Variants in CNIH1 observed in about 807,000 individuals in gnomAD.
The protein encoded by CNIH1 is protein cornichon homolog 1.
In CNIH1, 12 loss-of-function variants were observed where a neutral mutation model predicts 20.2. That is an observed-to-expected ratio of 0.59 (90% CI 0.38 to 0.96). The LOEUF is 0.96. Among genes scored for constraint, CNIH1 ranks in the 40% least tolerant of loss-of-function variants. The probability of loss-of-function intolerance (pLI) is 0.00; values close to 1 mark genes in which losing one functional copy is unlikely to be tolerated. For synonymous variants in CNIH1, 69 were observed against 63.3 expected (o/e 1.09, Z -0.43); for missense variants, 152 against 178.8 (o/e 0.85, Z 0.85).
chr14:54,436,368 C>G lies in CNIH1; in HGVS notation c.150+1G>C. 6.8e-7 allele frequency: 1 copy of G among 1,477,616 alleles called. No homozygotes were observed. The allele number at this position is 1,477,616 out of a possible 1,614,324, so 91.5% of individuals were successfully genotyped here. On this transcript the variant is annotated splice_donor_variant, in intron 2 of 4. Transcript: ENST00000216416. LOFTEE classifies it high-confidence loss of function. ...AAGATAAATCCTATATTATAACTTA[C>G]GGGATTCAGGGTATTACACTGGTCT...
Position 54,425,589 on chromosome 14 carries a change from T to C in CNIH1, c.*2225A>G, listed in dbSNP as rs1281940428. 6.6e-6 allele frequency: 1 copy of C among 152,212 alleles called. No homozygotes were observed. Among genetic ancestry groups the C allele is most frequent in the African/African-American group, 2.4e-5 (1 of 41,458 alleles). 9.4% of individuals were successfully genotyped at this position (152,212 alleles called of 1,614,324 possible). On this transcript the variant is annotated 3_prime_UTR_variant, in exon 5 of 5. Coordinates refer to ENST00000216416, the MANE Select transcript of CNIH1 (RefSeq NM_005776.3). ...ATATTGTCAGATTCAAGTATTTCGT[T>C]TCTGCTTTCTCTTGGTAAGTGATCT...
chr14:54,433,312 C>T (rs1456015790), intron 2 of CNIH1, among the ~76,000 whole-genome samples: 1 of 152,180 alleles, frequency 6.6e-6, no homozygotes, highest in Non-Finnish European at 1.5e-5. Flanking sequence ...AATCACACTA[C>T]ATACTCAGAC....
chr14:54,427,732 G>T lies in CNIH1; in HGVS notation c.*82C>A. On this transcript the variant is annotated 3_prime_UTR_variant, in exon 5 of 5. Transcript: ENST00000216416. ...GATCAGATTCCACAGGCTACTCTTG[G>T]ACAGGATCTTGCTGGATAGAATCCC... The T allele has an allele frequency of 7.0e-7, 1 of 1,427,696 alleles. No homozygotes were observed. Among genetic ancestry groups the T allele is most frequent in the Non-Finnish European group, 9.8e-7 (1 of 1,018,346 alleles). The allele number at this position is 1,427,696 out of a possible 1,614,324, so 88.4% of individuals were successfully genotyped here. A position where few individuals can be genotyped will look rare whatever the true frequency, so the allele number is the denominator to read the frequency against.
chr14:54,432,158 C>T lies in CNIH1; in HGVS notation c.213G>A (p.Glu71=). Residue 71 remains glutamate, a synonymous_variant, in exon 3 of 5, where the codon GAG becomes GAA. Coordinates refer to ENST00000216416, the MANE Select transcript of CNIH1 (RefSeq NM_005776.3). ...FFCVMFLCAA[E]WLTLGLNMPL... The stretch of plus-strand genomic sequence containing the variant: ...GCATATTGAGACCCAGTGTAAGCCA[C>T]TCTGCTGCACAAAGAAACATGACAC... 2 of 1,571,212 alleles carry T rather than the reference C, an allele frequency of 1.3e-6. No individual in the cohort carries two copies. Among genetic ancestry groups the T allele is most frequent in the Admixed American group, 1.9e-5 (1 of 53,016 alleles).
rs757629040 is a variant in CNIH1, at chr14:54,424,606, T to C, written c.*3208A>G. ...GAGAAGAGAGGTGTTGTACAAAGGATTTTGCTGGTTTCAAAGCACATACAA... is the reference window on the plus strand; with the variant it reads ...GAGAAGAGAGGTGTTGTACAAAGGACTTTGCTGGTTTCAAAGCACATACAA... On this transcript the variant is annotated 3_prime_UTR_variant, in exon 5 of 5. Coordinates refer to ENST00000216416, the MANE Select transcript of CNIH1 (RefSeq NM_005776.3). The C allele has an allele frequency of 2.6e-5, 4 of 152,204 alleles. No homozygotes were observed. Among genetic ancestry groups the C allele is most frequent in the Non-Finnish European group, 5.9e-5 (4 of 68,026 alleles). The allele number at this position is 152,204 out of a possible 1,614,324, so 9.4% of individuals were successfully genotyped here.
intron 1 of CNIH1, among the ~76,000 whole-genome samples, chr14:54,439,005 G>T (rs1490325871): frequency 6.6e-6 from 1 of 152,154 alleles, no homozygotes; most frequent in Admixed American, 6.5e-5. Context: ...AGCAGGCTGA[G>T]ACTTTCACCA....
chr14:54,427,691 A>G lies in CNIH1; in HGVS notation c.*123T>C. On this transcript the variant is annotated 3_prime_UTR_variant, in exon 5 of 5. Coordinates refer to ENST00000216416, the MANE Select transcript of CNIH1 (RefSeq NM_005776.3). ...GGAAACATTTAAAAAATAAGGAGTC[A>G]TTTTTTAAAGTAACTGATCAGATTC... is the stretch of plus-strand genomic sequence containing the variant. The G allele has an allele frequency of 9.8e-7, 1 of 1,016,404 alleles. No homozygotes were observed. The highest frequency in any genetic ancestry group is 1.6e-5 in the African/African-American group (1 of 61,948). 63.0% of individuals were successfully genotyped at this position (1,016,404 alleles called of 1,614,324 possible).
intron 1 of CNIH1, 198 bp from the exon 2 acceptor site, chr14:54,436,635 G>GT (rs2031059199): frequency 1.7e-6 from 1 of 578,550 alleles, no homozygotes; most frequent in Non-Finnish European, 3.1e-6. Flanking sequence ...TCTTATCTCA[G>GT]TATCACTAAA....
At position 54,427,497 on chromosome 14, in the gene CNIH1, G is replaced by A. The variant is rs966366517; in HGVS notation, c.*317C>T. ...CAAAAGCTTCCAATGTACTAGGACA[G>A]TCAGTAATTAATGCATCATTCAGAG... On this transcript the variant is annotated 3_prime_UTR_variant, in exon 5 of 5. Coordinates refer to ENST00000216416, the MANE Select transcript of CNIH1 (RefSeq NM_005776.3). 5 of 310,384 alleles carry A rather than the reference G, an allele frequency of 1.6e-5. No individual in the cohort carries two copies. Among genetic ancestry groups the A allele is most frequent in the African/African-American group, 8.7e-5 (4 of 46,116 alleles). The allele number at this position is 310,384 out of a possible 1,614,324, so 19.2% of individuals were successfully genotyped here.
intron 1 of CNIH1, among the ~76,000 whole-genome samples, chr14:54,440,858 C>T (rs1343885661): frequency 6.6e-6 from 1 of 152,212 alleles, no homozygotes; most frequent in East Asian, 1.9e-4. Context: ...AACAAAAATT[C>T]GGAAAACTTC....
At chr14:54,432,397 T>C (rs2030967480) in intron 2 of CNIH1, among the ~76,000 whole-genome samples, 177 bp from the exon 3 acceptor site, 1 of 152,250 alleles carries the variant, frequency 6.6e-6, no homozygotes, top group Non-Finnish European at 1.5e-5. Flanking sequence ...AAAGTAGGAT[T>C]ACAGGCAAAC....
intron 4 of CNIH1, among the ~76,000 whole-genome samples, chr14:54,429,023 A>C (rs1398044208): frequency 6.6e-6 from 1 of 152,222 alleles, no homozygotes; most frequent in South Asian, 2.1e-4. Context: ...TTTTTTGGAA[A>C]TATTCTGAAA....
At chr14:54,427,912 G>T in intron 4 of CNIH1, 71 bp from the exon 5 acceptor site, 1 of 1,440,230 alleles carries the variant, frequency 6.9e-7, no homozygotes, top group Non-Finnish European at 9.7e-7. Flanking sequence ...GCATGAGAGA[G>T]TATGCTTTAT....
At chr14:54,439,610 C>A (rs1383446960) in intron 1 of CNIH1, among the ~76,000 whole-genome samples, 1 of 151,270 alleles carries the variant, frequency 6.6e-6, no homozygotes, top group Non-Finnish European at 1.5e-5. Flanking sequence ...TGCAGTGGCG[C>A]CATCGCGGCT....
intron 1 of CNIH1, chr14:54,436,873 C>T (rs761227813): frequency 4.8e-6 from 2 of 412,702 alleles, no homozygotes; most frequent in Non-Finnish European, 4.7e-6. Flanking sequence ...CACATCTCCA[C>T]ACAGCATGGG....
At chr14:54,436,322 CA>C (rs1318173222) in intron 2 of CNIH1, 46 bp downstream of exon 2, 2 of 1,106,404 alleles carry the variant, frequency 1.8e-6, no homozygotes, top group East Asian at 4.8e-5. Flanking sequence ...AAGTTAAAAA[CA>C]AACATATTTT....
At chr14:54,429,457 G>A (rs1434566589) in intron 4 of CNIH1, among the ~76,000 whole-genome samples, 1 of 152,126 alleles carries the variant, frequency 6.6e-6, no homozygotes, top group East Asian at 1.9e-4. Flanking sequence ...GTCCATGAGA[G>A]TATAAAAGGA....
chr14:54,434,900 T>A (rs977294754), intron 2 of CNIH1, among the ~76,000 whole-genome samples: 1 of 152,240 alleles, frequency 6.6e-6, no homozygotes, highest in Non-Finnish European at 1.5e-5. Flanking sequence ...CTTTTAATTG[T>A]ACCTACATCA....
intron 1 of CNIH1, among the ~76,000 whole-genome samples, chr14:54,439,840 G>A (rs1203873538): frequency 6.6e-6 from 1 of 152,058 alleles, no homozygotes; most frequent in African/African-American, 2.4e-5. Context: ...GTGAGCCACC[G>A]CGCCCGGCCA....
Sources: allele counts gnomAD v4.1 joint callset (sites outside exome capture counted in the v4.1 genomes callset), GRCh38; gene constraint gnomAD v4.1.1; transcripts MANE v1.5; gene names NCBI Gene and HGNC (gene_info 2026-07-23, HGNC 2026-07-21).